TCAIM: variants seen among roughly 807,000 people sequenced by gnomAD.
TCAIM encodes T-cell activation inhibitor, mitochondrial.
TCAIM carries 36 observed loss-of-function variants against 58.6 expected under a neutral mutation model. That is an observed-to-expected ratio of 0.61 (90% CI 0.47 to 0.81). The LOEUF (loss-of-function observed/expected upper bound fraction) is 0.81, where lower values mean the gene tolerates loss of function less well. Among genes scored for constraint, TCAIM ranks in the 30% least tolerant of loss-of-function variants. The pLI, the probability that TCAIM is intolerant of heterozygous loss-of-function variation, is 0.00. For synonymous variants in TCAIM, 172 were observed against 193.6 expected (o/e 0.89, Z 0.93); for missense variants, 466 against 579.6 (o/e 0.80, Z 2.01).
At chr3:44,377,658 A>G (rs1346220413) in intron 5 of TCAIM, among the ~76,000 whole-genome samples, 1 of 152,216 alleles carries the variant, frequency 6.6e-6, no homozygotes, top group African/African-American at 2.4e-5. Flanking sequence ...CAAAAGATAA[A>G]TATACAGAGT....
chr3:44,353,176 C>T (rs1701127104), intron 1 of TCAIM, among the ~76,000 whole-genome samples: 1 of 152,204 alleles, frequency 6.6e-6, no homozygotes, highest in African/African-American at 2.4e-5. Flanking sequence ...CTGCCTCAGC[C>T]TCCCACAGTG....
chr3:44,368,605 G>A (rs751670379), intron 5 of TCAIM, among the ~76,000 whole-genome samples: 2 of 152,146 alleles, frequency 1.3e-5, no homozygotes, highest in African/African-American at 2.4e-5. Context: ...CATAACTGAT[G>A]GATAAATCAC....
At chr3:44,382,176 GAA>G (rs2125645969) in intron 5 of TCAIM, among the ~76,000 whole-genome samples, 1 of 152,246 alleles carries the variant, frequency 6.6e-6, no homozygotes, top group South Asian at 2.1e-4. Context: ...TCCTGAAAAA[GAA>G]GAGCAAAGCT....
chr3:44,385,964 T>C (rs1701732017), intron 5 of TCAIM, among the ~76,000 whole-genome samples: 1 of 152,172 alleles, frequency 6.6e-6, no homozygotes, highest in Admixed American at 6.5e-5. Flanking sequence ...AGAGAAATGC[T>C]TACAAACAGT....
At chr3:44,375,215 T>G (rs1391357125) in intron 5 of TCAIM, among the ~76,000 whole-genome samples, 1 of 152,180 alleles carries the variant, frequency 6.6e-6, no homozygotes, top group Admixed American at 6.5e-5. Context: ...GCTGTCTTAG[T>G]CCATTTTGCA....
intron 10 of TCAIM, among the ~76,000 whole-genome samples, chr3:44,403,863 G>A (rs1005610937): frequency 7.9e-5 from 12 of 151,872 alleles, no homozygotes; most frequent in African/African-American, 2.9e-4. Context: ...ATTTTGTGAT[G>A]GCCTCTTGTC....
At chr3:44,402,831 G>A (rs11915152) in intron 10 of TCAIM, among the ~76,000 whole-genome samples, 1,722 of 152,174 alleles carry the variant, frequency 0.011, 30 homozygotes, top group African/African-American at 0.037. Flanking sequence ...TGTCCATGGA[G>A]GGAAGTTTCA....
intron 5 of TCAIM, among the ~76,000 whole-genome samples, chr3:44,371,403 C>A (rs764046340): frequency 2.0e-5 from 3 of 152,062 alleles, no homozygotes; most frequent in Non-Finnish European, 4.4e-5. Context: ...TTACCTGAAC[C>A]AGATCATCAC....
intron 3 of TCAIM, chr3:44,359,017 TA>T: frequency 1.0e-6 from 1 of 983,062 alleles, no homozygotes; most frequent in Non-Finnish European, 1.2e-6. Context: ...ATAAAGTTTT[TA>T]AATTCAAAAT....
intron 6 of TCAIM, 70 bp from the exon 7 acceptor site, chr3:44,396,330 G>A: frequency 7.4e-7 from 1 of 1,351,270 alleles, no homozygotes. Context: ...GACTCCAGTA[G>A]TTGTGGTGGG....
intron 5 of TCAIM, among the ~76,000 whole-genome samples, chr3:44,382,615 G>A (rs1347969410): frequency 6.6e-6 from 1 of 152,182 alleles, no homozygotes; most frequent in Non-Finnish European, 1.5e-5. Flanking sequence ...TGACTGAAAT[G>A]TAAGACCTAA....
rs369279571 is a variant in TCAIM, at chr3:44,344,665, C to T, written c.-45+5831C>T. Among the ~76,000 whole-genome samples, 11 of 152,048 alleles carry T rather than the reference C, an allele frequency of 7.2e-5. No homozygotes were observed. The East Asian group carries it at 7.7e-4, about 11-fold the overall frequency. On this transcript the variant is annotated intron_variant, in intron 1 of 10. Transcript: ENST00000342649. Reference sequence around the variant, plus strand: ...CACTAATGACCTTATTACTGTCACACGCGTCCGTGTGAAGAGACCACCAAA... The same window carrying T: ...CACTAATGACCTTATTACTGTCACATGCGTCCGTGTGAAGAGACCACCAAA...
intron 2 of TCAIM, 109 bp downstream of exon 2, chr3:44,354,920 T>A (rs556575558): frequency 4.6e-6 from 6 of 1,310,934 alleles, no homozygotes; most frequent in Admixed American, 4.8e-5. Context: ...AGTTATATTA[T>A]GGTGGAAAGC....
At chr3:44,374,286 CTTT>C (rs753252645) in intron 5 of TCAIM, among the ~76,000 whole-genome samples, 14 of 119,874 alleles carry the variant, frequency 1.2e-4, no homozygotes, top group Admixed American at 3.5e-4. Flanking sequence ...GCTTTGCTTT[CTTT>C]TTTTTTTTTT....
intron 5 of TCAIM, among the ~76,000 whole-genome samples, chr3:44,372,144 G>A (rs1030216999): frequency 1.3e-5 from 2 of 152,160 alleles, no homozygotes; most frequent in African/African-American, 4.8e-5. Context: ...CGCATGTTTG[G>A]CGGGGCCAAC....
At chr3:44,396,951 A>C (rs1239984655) in intron 8 of TCAIM, 117 bp downstream of exon 8, 2 of 924,128 alleles carry the variant, frequency 2.2e-6, no homozygotes, top group African/African-American at 3.3e-5. Flanking sequence ...TTTGTTTTTT[A>C]ATGTTTTTAA....
intron 1 of TCAIM, among the ~76,000 whole-genome samples, chr3:44,343,145 AAAAG>A (rs1423219682): frequency 3.3e-5 from 5 of 151,212 alleles, no homozygotes; most frequent in Admixed American, 1.3e-4. Flanking sequence ...TCAAAAAAAA[AAAAG>A]AAGAAATGTT....
intron 1 of TCAIM, among the ~76,000 whole-genome samples, chr3:44,351,571 T>A (rs530042212): frequency 2.7e-4 from 41 of 152,210 alleles, no homozygotes; most frequent in African/African-American, 9.4e-4. Flanking sequence ...CTCGGCTCAC[T>A]CCAACCTCTG....
At chr3:44,405,361 T>C (rs1702083520) in intron 10 of TCAIM, among the ~76,000 whole-genome samples, 1 of 152,226 alleles carries the variant, frequency 6.6e-6, no homozygotes, top group African/African-American at 2.4e-5. Context: ...GTAGTTCTGA[T>C]ACTTGCATGT....
Sources: allele counts gnomAD v4.1 joint callset (sites outside exome capture counted in the v4.1 genomes callset), GRCh38; gene constraint gnomAD v4.1.1; transcripts MANE v1.5; gene names NCBI Gene and HGNC (gene_info 2026-07-23, HGNC 2026-07-21).